TOP6BL: variants seen among roughly 807,000 people sequenced by gnomAD.
The protein encoded by TOP6BL is type 2 DNA topoisomerase 6 subunit B-like.
At chr11:66,758,181 CGTT>C in the TOP6BL span, 2 of 969,346 alleles carry the variant, frequency 2.1e-6, no homozygotes, top group African/African-American at 1.8e-5. Context: ...TTTGTCCCCT[CGTT>C]GGTGCCTGCT....
chr11:66,807,627 GGAA>G, the TOP6BL span, among the ~76,000 whole-genome samples: 2 of 152,278 alleles, frequency 1.3e-5, no homozygotes, highest in Non-Finnish European at 2.9e-5. Flanking sequence ...CTAGTGAAGA[GGAA>G]GAGTTTCTGT....
chr11:66,777,372 C>G, the TOP6BL span, among the ~76,000 whole-genome samples: 1 of 151,974 alleles, frequency 6.6e-6, no homozygotes, highest in Non-Finnish European at 1.5e-5. Context: ...AAGCACCTAC[C>G]TCATAAAATT....
At chr11:66,843,257 C>G in the TOP6BL span, 1 of 1,606,110 alleles carries the variant, frequency 6.2e-7, no homozygotes. Context: ...TCCGCAAGCG[C>G]CCACCGATCC....
At chr11:66,813,144 A>G in the TOP6BL span, among the ~76,000 whole-genome samples, 1 of 152,220 alleles carries the variant, frequency 6.6e-6, no homozygotes, top group Admixed American at 6.5e-5. Context: ...AGCATGTATC[A>G]CATTGTATTA....
chr11:66,794,248 A>G, the TOP6BL span, among the ~76,000 whole-genome samples: 1 of 151,242 alleles, frequency 6.6e-6, no homozygotes, highest in East Asian at 1.9e-4. Flanking sequence ...TTTTTAACAT[A>G]TACCTAGTAC....
the TOP6BL span, chr11:66,843,357 C>A: frequency 6.9e-7 from 1 of 1,455,116 alleles, no homozygotes; most frequent in African/African-American, 1.5e-5. Context: ...GCGTCGGGCC[C>A]GGGCGGGGCG....
chr11:66,817,637 C>T, the TOP6BL span, among the ~76,000 whole-genome samples: 20 of 152,080 alleles, frequency 1.3e-4, no homozygotes, highest in African/African-American at 4.3e-4. Flanking sequence ...TGGGGTTTCA[C>T]CATGTTGGTC....
chr11:66,821,074 C>T, the TOP6BL span, among the ~76,000 whole-genome samples: 24 of 152,274 alleles, frequency 1.6e-4, no homozygotes, highest in African/African-American at 5.3e-4. Context: ...AAGCCTGATA[C>T]CATGTTCTGA....
the TOP6BL span, among the ~76,000 whole-genome samples, chr11:66,779,265 C>G: frequency 6.6e-6 from 1 of 152,172 alleles, no homozygotes. Context: ...ACCTACTCAT[C>G]TGACAAAGGG....
the TOP6BL span, among the ~76,000 whole-genome samples, chr11:66,798,360 G>T: frequency 1.3e-5 from 2 of 152,194 alleles, no homozygotes; most frequent in Non-Finnish European, 2.9e-5. Context: ...AGCACTTTGG[G>T]AGGCCGACTT....
chr11:66,778,405 A>G, the TOP6BL span, among the ~76,000 whole-genome samples: 4 of 152,120 alleles, frequency 2.6e-5, no homozygotes, highest in East Asian at 5.8e-4. Flanking sequence ...GGTCAAGGCT[A>G]CAGTGAGCTG....
the TOP6BL span, chr11:66,744,819 G>GGGGGGCGGCGGCGGCGGCGGCGGCGGC: frequency 8.1e-7 from 1 of 1,230,224 alleles, no homozygotes; most frequent in African/African-American, 1.6e-5. Flanking sequence ...GCTGAGGAGG[G>GGGGGGCGGCGGCGGCGGCGGCGGCGGC]GGCGGCGGCG....
the TOP6BL span, among the ~76,000 whole-genome samples, chr11:66,814,257 TTTTTGTTTTTG>T: frequency 3.6e-4 from 55 of 151,746 alleles, no homozygotes; most frequent in African/African-American, 1.2e-3. Flanking sequence ...TTGTTGCTTG[TTTTTGTTTTTG>T]TTTTGTTTGA....
chr11:66,838,403 A>G, the TOP6BL span: 1 of 1,613,972 alleles, frequency 6.2e-7, no homozygotes, highest in Non-Finnish European at 8.5e-7. Flanking sequence ...AGCCCAGGGC[A>G]CTGAGGACGC....
the TOP6BL span, chr11:66,758,110 T>A: frequency 2.0e-6 from 2 of 982,800 alleles, no homozygotes; most frequent in Non-Finnish European, 2.4e-6. Flanking sequence ...TGAGGTCATG[T>A]TTCTCTGGGG....
At chr11:66,843,026 G>C in the TOP6BL span, 1 of 1,555,102 alleles carries the variant, frequency 6.4e-7, no homozygotes, top group Non-Finnish European at 8.7e-7. Context: ...GCTCACGGCA[G>C]GGCCCTGGCG....
the TOP6BL span, among the ~76,000 whole-genome samples, chr11:66,812,888 G>A: frequency 6.6e-6 from 1 of 152,114 alleles, no homozygotes; most frequent in South Asian, 2.1e-4. Flanking sequence ...ACATCCTATA[G>A]TGCACAGGAC....
At chr11:66,761,035 C>T in the TOP6BL span, among the ~76,000 whole-genome samples, 9 of 145,036 alleles carry the variant, frequency 6.2e-5, no homozygotes, top group African/African-American at 1.8e-4. Flanking sequence ...ATTTTATTGT[C>T]TATCATGTTA....
At chr11:66,748,414 C>T in the TOP6BL span, 1 of 1,545,726 alleles carries the variant, frequency 6.5e-7, no homozygotes, top group Non-Finnish European at 8.7e-7. Flanking sequence ...GGAAGTGTGA[C>T]ATAGATGTAT....
Sources: gnomAD v4.1 joint callset for allele counts (sites outside exome capture counted in the v4.1 genomes callset) on GRCh38, gnomAD v4.1.1 for gene constraint, MANE v1.5 for transcripts, NCBI Gene and HGNC (gene_info 2026-07-23, HGNC 2026-07-21) for gene names.